AGBL4: variants seen among roughly 807,000 people sequenced by gnomAD.
The protein encoded by AGBL4 is cytosolic carboxypeptidase 6.
Under a neutral mutation model 66.4 loss-of-function variants are expected in AGBL4, and 58 were observed. The ratio of observed to expected loss-of-function variants is 0.87; its 90% CI spans 0.71 to 1.09. AGBL4 has a LOEUF of 1.09. Among genes scored for constraint, AGBL4 ranks in the 50% least tolerant of loss-of-function variants. The pLI, the probability that AGBL4 is intolerant of heterozygous loss-of-function variation, is 0.00. For synonymous variants in AGBL4, 234 were observed against 222.9 expected (o/e 1.05, Z -0.44); for missense variants, 579 against 631.0 (o/e 0.92, Z 0.88).
Position 48,597,824 on chromosome 1 carries a change from A to G in AGBL4, c.952-6839T>C, listed in dbSNP as rs181739733. On this transcript the variant is annotated intron_variant, in intron 9 of 13. Coordinates refer to ENST00000371839, the MANE Select transcript of AGBL4 (RefSeq NM_032785.4). Reference sequence around the variant, plus strand: ...AAGAGAAAGAAAGAGAGAGAAAGAAAGAGAAAGAGAGAAAAAGAAAGGAAG... The same window carrying G: ...AAGAGAAAGAAAGAGAGAGAAAGAAGGAGAAAGAGAGAAAAAGAAAGGAAG... Among the ~76,000 whole-genome samples the G allele has an allele frequency of 2.0e-5, 3 of 150,978 alleles. No homozygotes were observed. In the East Asian group the frequency reaches 5.8e-4, roughly 29 times the overall value.
At chr1:49,652,092 G>A (rs1161921282) in intron 3 of AGBL4, among the ~76,000 whole-genome samples, 2 of 152,048 alleles carry the variant, frequency 1.3e-5, no homozygotes, top group Non-Finnish European at 2.9e-5. Context: ...GCATAAGGAA[G>A]AATTTCAGAG....
At chr1:48,847,144 T>C (rs915527234) in intron 6 of AGBL4, among the ~76,000 whole-genome samples, 4 of 151,656 alleles carry the variant, frequency 2.6e-5, no homozygotes, top group Admixed American at 6.6e-5. Context: ...CTACTAAAAA[T>C]ACAAAATTAG....
intron 4 of AGBL4, among the ~76,000 whole-genome samples, chr1:49,082,628 A>T (rs1402174147): frequency 6.6e-6 from 1 of 152,166 alleles, no homozygotes; most frequent in Non-Finnish European, 1.5e-5. Flanking sequence ...TGTGGGTATT[A>T]TTACAATTTA....
intron 5 of AGBL4, among the ~76,000 whole-genome samples, chr1:48,904,665 C>T (rs1184041098): frequency 6.6e-6 from 1 of 152,176 alleles, no homozygotes; most frequent in Non-Finnish European, 1.5e-5. Context: ...ATAATAAAAA[C>T]CTACCTCTGG....
intron 2 of AGBL4, chr1:49,844,702 A>G: frequency 6.2e-7 from 1 of 1,601,522 alleles, no homozygotes; most frequent in Non-Finnish European, 8.5e-7. Context: ...CTTGGAAACT[A>G]GACCCAAAGT....
At chr1:49,381,992 A>T (rs1213834379) in intron 3 of AGBL4, among the ~76,000 whole-genome samples, 1 of 151,956 alleles carries the variant, frequency 6.6e-6, no homozygotes, top group Non-Finnish European at 1.5e-5. Flanking sequence ...AACTTAAAGT[A>T]TAATAATAAT....
At chr1:48,954,787 C>T (rs969920462) in intron 5 of AGBL4, among the ~76,000 whole-genome samples, 21 of 152,048 alleles carry the variant, frequency 1.4e-4, no homozygotes, top group Admixed American at 2.0e-4. Context: ...TCTCTAATCA[C>T]GTTATTTCCA....
At chr1:48,624,448 T>C (rs1160964933) in intron 9 of AGBL4, among the ~76,000 whole-genome samples, 3 of 152,212 alleles carry the variant, frequency 2.0e-5, no homozygotes, top group African/African-American at 7.2e-5. Flanking sequence ...AATTTTTGTA[T>C]TTGAGAAGCT....
At chr1:48,572,410 GAAGA>G (rs563443185) in intron 11 of AGBL4, among the ~76,000 whole-genome samples, 7 of 151,868 alleles carry the variant, frequency 4.6e-5, no homozygotes, top group African/African-American at 1.7e-4. Context: ...AGCTAAGGCG[GAAGA>G]AAAAGAGAAA....
At chr1:49,320,092 T>C (rs2148474720) in intron 3 of AGBL4, among the ~76,000 whole-genome samples, 1 of 152,202 alleles carries the variant, frequency 6.6e-6, no homozygotes, top group African/African-American at 2.4e-5. Flanking sequence ...CCACTACACC[T>C]GGTTGATTTT....
intron 6 of AGBL4, among the ~76,000 whole-genome samples, chr1:48,753,875 C>T (rs1434710454): frequency 1.3e-5 from 2 of 152,170 alleles, no homozygotes; most frequent in East Asian, 1.9e-4. Context: ...TCATTTTTGC[C>T]TATATTCCCT....
intron 3 of AGBL4, among the ~76,000 whole-genome samples, chr1:49,497,292 GA>G: frequency 6.6e-6 from 1 of 152,074 alleles, no homozygotes; most frequent in East Asian, 1.9e-4. Flanking sequence ...AAAGGTTGAA[GA>G]TATTTTCTCC....
chr1:49,128,664 T>C (rs979600614), intron 4 of AGBL4, among the ~76,000 whole-genome samples: 3 of 151,956 alleles, frequency 2.0e-5, no homozygotes, highest in Admixed American at 6.6e-5. Context: ...GGATATCCAA[T>C]GGAAAAAATA....
intron 1 of AGBL4, among the ~76,000 whole-genome samples, chr1:49,877,508 C>G (rs943289500): frequency 3.3e-5 from 5 of 150,878 alleles, no homozygotes; most frequent in Non-Finnish European, 6.0e-5. Flanking sequence ...AGGGATGAAG[C>G]CCACTTGATC....
intron 3 of AGBL4, among the ~76,000 whole-genome samples, chr1:49,373,166 G>T (rs1644401582): frequency 6.6e-6 from 1 of 152,066 alleles, no homozygotes; most frequent in African/African-American, 2.4e-5. Context: ...CTCCCACTTT[G>T]TCCTGTATAA....
Position 49,683,263 on chromosome 1 carries a change from T to A in AGBL4, c.282+14050A>T, listed in dbSNP as rs139983904. ...CCCCTAAAAAAGCGGAGTCTTGATG[T>A]CCAAAAGGAGGCTATACCAGGGTGT... On this transcript the variant is annotated intron_variant, in intron 3 of 13. Transcript: ENST00000371839. Among the ~76,000 whole-genome samples the A allele has an allele frequency of 8.6e-3, 1,313 of 152,240 alleles. 20 individuals carry two copies. The highest frequency in any genetic ancestry group is 0.03 in the African/African-American group (1,234 of 41,528).
chr1:48,539,882 C>A, intron 11 of AGBL4, 144 bp from the exon 12 acceptor site: 1 of 476,988 alleles, frequency 2.1e-6, no homozygotes, highest in South Asian at 7.1e-5. Context: ...CTTTTTTGAT[C>A]CTTGAAAAAC....
At chr1:49,469,449 G>C (rs1055264244) in intron 3 of AGBL4, among the ~76,000 whole-genome samples, 2 of 151,746 alleles carry the variant, frequency 1.3e-5, no homozygotes, top group Admixed American at 6.6e-5. Flanking sequence ...TTATCTCTGA[G>C]CTTAAAGCTT....
chr1:48,853,646 A>G (rs576665982), intron 6 of AGBL4, among the ~76,000 whole-genome samples: 1 of 152,308 alleles, frequency 6.6e-6, no homozygotes, highest in African/African-American at 2.4e-5. Flanking sequence ...AAGAGAGAGG[A>G]TTCGAACATA....
Sources: allele counts gnomAD v4.1 joint callset (sites outside exome capture counted in the v4.1 genomes callset), GRCh38; gene constraint gnomAD v4.1.1; transcripts MANE v1.5; gene names NCBI Gene and HGNC (gene_info 2026-07-23, HGNC 2026-07-21).